Variants in ZFC3H1 observed in about 807,000 individuals in gnomAD.
ZFC3H1 encodes the protein zinc finger C3H1 domain-containing protein.
A neutral mutation model predicts 243.7 loss-of-function variants in ZFC3H1; 71 were observed. The ratio of observed to expected loss-of-function variants is 0.29; its 90% CI spans 0.24 to 0.36. The LOEUF is 0.36. Ranked by LOEUF, ZFC3H1 falls within the 10% of genes least tolerant of loss-of-function variation. The pLI is 1.00. For missense variants in ZFC3H1, 1,966 were observed against 2,317.1 expected, an observed-to-expected ratio of 0.85 and a Z score of 3.11; for synonymous variants, 838 against 813.0, an observed-to-expected ratio of 1.03 and a Z score of -0.52.
At chr12:71,622,549 G>A (rs1027273201) in intron 24 of ZFC3H1, among the ~76,000 whole-genome samples, 2 of 151,398 alleles carry the variant, frequency 1.3e-5, no homozygotes, top group South Asian at 2.1e-4. Context: ...TGTAACCTTC[G>A]CCTCCTGGGC....
intron 1 of ZFC3H1, 80 bp from the exon 2 acceptor site, chr12:71,657,381 A>G: frequency 2.0e-6 from 2 of 1,022,334 alleles, no homozygotes; most frequent in East Asian, 2.6e-5. Context: ...TTATAGATGA[A>G]TTTTCTCCCT....
At position 71,623,540 on chromosome 12, in the gene ZFC3H1, G is replaced by A; in HGVS notation, c.4564C>T (p.Arg1522Ter). ...ATGTAGGCCAACCATGCCAAACATCGATCACTGGTTTTAAGGTATTCAGCT... is the reference window on the plus strand; with the variant it reads ...ATGTAGGCCAACCATGCCAAACATCAATCACTGGTTTTAAGGTATTCAGCT... ...IVAEYLKTSD[R>*]CLAWLAYIHL... is the part of the protein sequence containing the mutation. Residue 1522 changes from arginine (R) to a stop codon, truncating the protein, a stop_gained, in exon 24 of 35, where the codon CGA becomes TGA. Transcript: ENST00000378743. LOFTEE classifies it high-confidence loss of function. The A allele has an allele frequency of 6.2e-7, 1 of 1,613,580 alleles. No individual in the cohort carries two copies. The highest frequency in any genetic ancestry group is 8.5e-7 in the Non-Finnish European group (1 of 1,179,808).
rs1881035501 is a variant in ZFC3H1, at chr12:71,656,960, T to C, written c.940A>G (p.Lys314Glu). The stretch of plus-strand genomic sequence containing the variant: ...TCTTTAACTTTTTTCAAACGGTTCT[T>C]ATCTCCTGGTAAAGTCAATTTTTGC... ...LRQKLTLPGD[K>E]NRLKKVKDGA... is the part of the protein sequence containing the mutation. Residue 314 changes from lysine to glutamate, a missense_variant, in exon 2 of 35, where the codon AAG (lysine) becomes GAG (glutamate). Physicochemically the swap from Lys to Glu is moderately conservative, Grantham distance 56. Transcript: ENST00000378743. 1.2e-6 allele frequency: 2 copies of C among 1,613,948 alleles called. No homozygotes were observed. The highest frequency in any genetic ancestry group is 1.7e-6 in the Non-Finnish European group (2 of 1,179,930).
chr12:71,634,729 T>C lies in ZFC3H1; in HGVS notation c.2335A>G (p.Arg779Gly). The change falls in exon 11 of 35, where the codon AGA becomes GGA. Residue 779 changes from arginine (R) to glycine (G), a missense_variant. Around this residue, in one of 4 missense-constraint regions of ZFC3H1, gnomAD observed 1,383 missense variants for 1,723.7 expected, o/e 0.80. Transcript: ENST00000378743. ...ALPEEKKIEY[R>G]LLKEEIANRE... ...TTGGCAATCTCTTCCTTTAACAATC[T>C]ATATTCAATCTTCTTTTCTTCAGGC... 6.2e-7 allele frequency: 1 copy of C among 1,600,902 alleles called. No homozygotes were observed. The highest frequency in any genetic ancestry group is 1.1e-5 in the South Asian group (1 of 88,344).
Position 71,633,157 on chromosome 12 carries a change from G to A in ZFC3H1, c.2685+107C>T, listed in dbSNP as rs1044244517. On this transcript the variant is annotated intron_variant, in intron 13 of 34. Transcript: ENST00000378743. ...ATTATTTCTCAACAAGAAACTATAG[G>A]TTATGCATATTTTGCTGGCTTTAGT... 1.3e-5 allele frequency: 18 copies of A among 1,393,910 alleles called. No individual in the cohort carries two copies. The East Asian group carries it at 2.7e-4, about 21-fold the overall frequency. The allele number at this position is 1,393,910 out of a possible 1,614,324, so 86.3% of individuals were successfully genotyped here.
chr12:71,610,570 A>G lies in ZFC3H1; in HGVS notation c.5833-5T>C. 6.2e-7 allele frequency: 1 copy of G among 1,613,192 alleles called. No homozygotes were observed. Among genetic ancestry groups the G allele is most frequent in the Non-Finnish European group, 8.5e-7 (1 of 1,179,500 alleles). ...TGATGCTTCAAACAAGAGTTGCTGT[A>G]AAAGACAGGGAAGCATAGAAGTAAG... On this transcript the variant is annotated splice_region_variant and splice_polypyrimidine_tract_variant and intron_variant, in intron 34 of 34. Transcript: ENST00000378743.
Position 71,614,591 on chromosome 12 carries a change from A to G in ZFC3H1, c.5470T>C (p.Tyr1824His). 6.2e-7 allele frequency: 1 copy of G among 1,613,286 alleles called. No individual in the cohort carries two copies. Among genetic ancestry groups the G allele is most frequent in the Non-Finnish European group, 8.5e-7 (1 of 1,179,544 alleles). Reference protein sequence around the residue: ...NRCLVTVPARYPIPFSSADYW... With the variant: ...NRCLVTVPARHPIPFSSADYW... ...TCAGCACTGCTAAAAGGAATGGGGT[A>G]TCGGGCAGGGACTGTAACCAAACAT... The change falls in exon 30 of 35, where the codon TAC becomes CAC. Residue 1824 changes from tyrosine to histidine, a missense_variant. Around this residue, in one of 4 missense-constraint regions of ZFC3H1, gnomAD observed 1,383 missense variants for 1,723.7 expected, o/e 0.80. Transcript: ENST00000378743.
At chr12:71,646,174 C>G (rs1201092333) in intron 3 of ZFC3H1, among the ~76,000 whole-genome samples, 3 of 152,220 alleles carry the variant, frequency 2.0e-5, no homozygotes, top group Non-Finnish European at 4.4e-5. Context: ...CCCTAAACTA[C>G]TGTCATACAC....
intron 24 of ZFC3H1, among the ~76,000 whole-genome samples, chr12:71,622,430 A>G (rs750212378): frequency 6.6e-6 from 1 of 152,108 alleles, no homozygotes; most frequent in Non-Finnish European, 1.5e-5. Context: ...GCCTGTATCA[A>G]ATAATTCTAT....
chr12:71,634,404 C>T (rs906939341), intron 11 of ZFC3H1, 100 bp from the exon 12 acceptor site: 9 of 1,309,150 alleles, frequency 6.9e-6, no homozygotes, highest in African/African-American at 6.0e-5. Flanking sequence ...TTAATCACAC[C>T]GACTAATAAT....
At chr12:71,632,651 T>C in intron 14 of ZFC3H1, 137 bp from the exon 15 acceptor site, 1 of 1,279,996 alleles carries the variant, frequency 7.8e-7, no homozygotes, top group African/African-American at 1.5e-5. Flanking sequence ...AAACAGAGTT[T>C]AACATAAGTA....
At chr12:71,617,267 T>C (rs1879915017) in intron 27 of ZFC3H1, among the ~76,000 whole-genome samples, 1 of 152,240 alleles carries the variant, frequency 6.6e-6, no homozygotes, top group Non-Finnish European at 1.5e-5. Flanking sequence ...TGGTCTCATC[T>C]ATCGTCATTC....
rs1326313496 is a variant in ZFC3H1, at chr12:71,629,679, G to C, written c.3756C>G (p.Asn1252Lys). The C allele has an allele frequency of 6.2e-7, 1 of 1,612,288 alleles. No homozygotes were observed. The highest frequency in any genetic ancestry group is 8.5e-7 in the Non-Finnish European group (1 of 1,179,552). The change falls in exon 19 of 35, where the codon AAC becomes AAG. Residue 1252 changes from asparagine to lysine, a missense_variant. This residue lies in a region of ZFC3H1 where 1,383 missense variants were observed against 1,723.7 expected (regional missense o/e 0.80). Coordinates refer to ENST00000378743, the MANE Select transcript of ZFC3H1 (RefSeq NM_144982.5). ...TCTGGTCCATTGACATTCGATCTTTGTTTACTCCAAAAAGTTTCTCAACAT... is the reference window on the plus strand; with the variant it reads ...TCTGGTCCATTGACATTCGATCTTTCTTTACTCCAAAAAGTTTCTCAACAT... ...EKYVEKLFGV[N>K]KDRMSMDQMA...
intron 1 of ZFC3H1, among the ~76,000 whole-genome samples, chr12:71,661,639 G>C (rs1484193903): frequency 6.6e-6 from 1 of 151,888 alleles, no homozygotes; most frequent in East Asian, 1.9e-4. Flanking sequence ...CCAACACCAC[G>C]CCTGGCTAAC....
chr12:71,623,292 G>C, intron 24 of ZFC3H1, 68 bp downstream of exon 24: 1 of 1,239,874 alleles, frequency 8.1e-7, no homozygotes, highest in South Asian at 1.6e-5. Context: ...TCACAATAAT[G>C]GGTAGTTAAT....
chr12:71,655,270 T>C (rs1056580831), intron 2 of ZFC3H1, among the ~76,000 whole-genome samples: 2 of 152,088 alleles, frequency 1.3e-5, no homozygotes, highest in African/African-American at 4.8e-5. Flanking sequence ...CTAGACAACC[T>C]ACATGTTTAG....
chr12:71,626,567 G>C (rs1253452716), intron 21 of ZFC3H1, 121 bp from the exon 22 acceptor site: 1 of 904,146 alleles, frequency 1.1e-6, no homozygotes, highest in Non-Finnish European at 1.6e-6. Context: ...CAAGAAGTCA[G>C]GATCACTTAT....
At chr12:71,645,226 C>G in intron 3 of ZFC3H1, 151 bp from the exon 4 acceptor site, 2 of 698,418 alleles carry the variant, frequency 2.9e-6, no homozygotes, top group South Asian at 4.1e-5. Context: ...TAATTTACTT[C>G]CCACAGCCTG....
chr12:71,621,308 CT>C (rs71068781), intron 24 of ZFC3H1, among the ~76,000 whole-genome samples: 71,908 of 145,030 alleles, frequency 0.5, 20,209 homozygotes, highest in Middle Eastern at 0.71. Context: ...ACTTCCTTTT[CT>C]TTTTTTTTTT....
Sources: gnomAD v4.1 joint callset for allele counts (sites outside exome capture counted in the v4.1 genomes callset) on GRCh38, gnomAD v4.1.1 for gene constraint, gnomAD v4.1.1 regional missense constraint, MANE v1.5 for transcripts, NCBI Gene and HGNC (gene_info 2026-07-23, HGNC 2026-07-21) for gene names.